Variants in MAML2 observed in about 807,000 individuals in gnomAD.
MAML2 encodes the protein mastermind-like protein 2.
MAML2 carries 22 observed loss-of-function variants against 96.1 expected under a neutral mutation model. That is an observed-to-expected ratio of 0.23 (90% confidence interval 0.16 to 0.33). MAML2 has a LOEUF of 0.33. Among genes scored for constraint, MAML2 ranks in the 10% least tolerant of loss-of-function variants. The probability of loss-of-function intolerance (pLI) is 1.00; values close to 1 mark genes in which losing one functional copy is unlikely to be tolerated. For synonymous variants in MAML2, 561 were observed against 521.3 expected, an observed-to-expected ratio of 1.08 and a Z score of -1.04; for missense variants, 1,367 against 1,392.4, an observed-to-expected ratio of 0.98 and a Z score of 0.29.
At chr11:96,149,879 T>C (rs763650283) in intron 1 of MAML2, among the ~76,000 whole-genome samples, 19 of 152,158 alleles carry the variant, frequency 1.2e-4, no homozygotes, top group Non-Finnish European at 4.4e-5. Flanking sequence ...TCCTTCTTCC[T>C]TTGTCTCTGC....
intron 2 of MAML2, among the ~76,000 whole-genome samples, chr11:96,070,248 C>T (rs1238803062): frequency 6.6e-6 from 1 of 152,018 alleles, no homozygotes; most frequent in African/African-American, 2.4e-5. Flanking sequence ...TGAGATGGCG[C>T]CACTGCACTC....
chr11:96,227,154 T>G (rs959823872), intron 1 of MAML2, among the ~76,000 whole-genome samples: 5 of 152,242 alleles, frequency 3.3e-5, no homozygotes, highest in African/African-American at 4.8e-5. Flanking sequence ...CCTTCAGATC[T>G]GAAAGCATGT....
At chr11:96,337,817 G>A (rs987532035) in intron 1 of MAML2, among the ~76,000 whole-genome samples, 1 of 152,208 alleles carries the variant, frequency 6.6e-6, no homozygotes, top group South Asian at 2.1e-4. Flanking sequence ...CATTTTGGCA[G>A]TGCTTAATTT....
intron 2 of MAML2, among the ~76,000 whole-genome samples, chr11:96,065,219 C>T (rs1022742510): frequency 6.6e-6 from 1 of 152,096 alleles, no homozygotes; most frequent in Non-Finnish European, 1.5e-5. Flanking sequence ...AAATTGCCCT[C>T]GTTTTATCAA....
At chr11:96,088,532 GC>G (rs1859654030) in intron 2 of MAML2, among the ~76,000 whole-genome samples, 1 of 152,102 alleles carries the variant, frequency 6.6e-6, no homozygotes, top group African/African-American at 2.4e-5. Context: ...TCCCCGTCTT[GC>G]CCTATCCCAT....
intron 1 of MAML2, among the ~76,000 whole-genome samples, chr11:96,285,597 G>C (rs1001814752): frequency 7.9e-5 from 12 of 152,046 alleles, no homozygotes; most frequent in Non-Finnish European, 8.8e-5. Flanking sequence ...CTAATATCCA[G>C]AGTCTACAAG....
At chr11:96,282,666 T>A (rs1028585301) in intron 1 of MAML2, among the ~76,000 whole-genome samples, 5 of 152,202 alleles carry the variant, frequency 3.3e-5, no homozygotes, top group Non-Finnish European at 5.9e-5. Context: ...GATAGAAAAT[T>A]CTGTTTTGAC....
At chr11:96,212,147 G>GTA (rs1565250385) in intron 1 of MAML2, among the ~76,000 whole-genome samples, 1 of 139,128 alleles carries the variant, frequency 7.2e-6, no homozygotes, top group Non-Finnish European at 1.6e-5. Context: ...GTGTGTGTGT[G>GTA]TGTGGAAGGG....
intron 2 of MAML2, among the ~76,000 whole-genome samples, chr11:96,043,767 G>T (rs1858852914): frequency 6.6e-6 from 1 of 152,220 alleles, no homozygotes; most frequent in Non-Finnish European, 1.5e-5. Flanking sequence ...TGCCACAGAG[G>T]TGACTATGGG....
chr11:96,136,936 A>C (rs539974833), intron 1 of MAML2, among the ~76,000 whole-genome samples: 1 of 152,196 alleles, frequency 6.6e-6, no homozygotes, highest in Non-Finnish European at 1.5e-5. Flanking sequence ...ATTTCTGGGG[A>C]TGCCCTGAGC....
intron 1 of MAML2, among the ~76,000 whole-genome samples, chr11:96,163,142 T>A (rs1861139459): frequency 1.3e-5 from 2 of 152,292 alleles, no homozygotes; most frequent in South Asian, 4.1e-4. Context: ...TTTAAAGAGA[T>A]GAACAGAAAT....
At chr11:96,007,841 A>G (rs1858208056) in intron 2 of MAML2, among the ~76,000 whole-genome samples, 1 of 135,798 alleles carries the variant, frequency 7.4e-6, no homozygotes, top group African/African-American at 2.7e-5. Context: ...TCACATGGTC[A>G]CAGGAAGGGG....
At chr11:96,064,589 C>T (rs768107062) in intron 2 of MAML2, among the ~76,000 whole-genome samples, 10 of 152,176 alleles carry the variant, frequency 6.6e-5, no homozygotes, top group African/African-American at 9.7e-5. Flanking sequence ...CTTTCCACCT[C>T]AGTATTCTTT....
intron 3 of MAML2, among the ~76,000 whole-genome samples, chr11:95,989,565 T>C (rs1183265413): frequency 6.6e-6 from 1 of 152,192 alleles, no homozygotes; most frequent in East Asian, 1.9e-4. Flanking sequence ...GTGATGAAAG[T>C]GTACCCAGTA....
chr11:96,224,741 T>C (rs1246877050), intron 1 of MAML2, among the ~76,000 whole-genome samples: 2 of 152,208 alleles, frequency 1.3e-5, no homozygotes, highest in Non-Finnish European at 2.9e-5. Context: ...GACATAGTAA[T>C]TGGCACAAAG....
intron 2 of MAML2, among the ~76,000 whole-genome samples, chr11:96,089,229 G>A (rs16923055): frequency 0.074 from 11,203 of 152,208 alleles, 1,079 homozygotes; most frequent in African/African-American, 0.22. Context: ...AGATGGAAGA[G>A]TTAAAACTAC....
intron 1 of MAML2, among the ~76,000 whole-genome samples, chr11:96,259,519 C>T (rs1040870899): frequency 2.6e-5 from 4 of 152,192 alleles, no homozygotes; most frequent in African/African-American, 9.7e-5. Flanking sequence ...AGTTGTTTGT[C>T]TAGAATTTCC....
intron 1 of MAML2, among the ~76,000 whole-genome samples, chr11:96,219,942 A>C (rs115784348): frequency 0.013 from 1,924 of 152,166 alleles, 46 homozygotes; most frequent in African/African-American, 0.044. Context: ...ATTATTTTTA[A>C]TCCCTCAGTA....
At chr11:96,196,155 T>G (rs1365989874) in intron 1 of MAML2, among the ~76,000 whole-genome samples, 1 of 152,190 alleles carries the variant, frequency 6.6e-6, no homozygotes, top group Non-Finnish European at 1.5e-5. Context: ...TATTGTTAAT[T>G]AATGTTTTCT....
Sources: gnomAD v4.1 joint callset for allele counts (sites outside exome capture counted in the v4.1 genomes callset) on GRCh38, gnomAD v4.1.1 for gene constraint, MANE v1.5 for transcripts, NCBI Gene and HGNC (gene_info 2026-07-23, HGNC 2026-07-21) for gene names.